Variants in MGAM observed in about 807,000 individuals in gnomAD.
MGAM encodes the protein alpha-1,4-glucosidase.
A neutral mutation model predicts 358.8 loss-of-function variants in MGAM; 253 were observed. The ratio of observed to expected loss-of-function variants is 0.71; its 90% CI spans 0.64 to 0.78. MGAM has a LOEUF of 0.78. Ranked by LOEUF, MGAM falls within the 30% of genes least tolerant of loss-of-function variation. The pLI, the probability that MGAM is intolerant of heterozygous loss-of-function variation, is 0.00. For synonymous variants in MGAM, 1,105 were observed against 1,227.1 expected, an observed-to-expected ratio of 0.90 and a Z score of 2.08; for missense variants, 3,080 against 3,432.6, an observed-to-expected ratio of 0.90 and a Z score of 2.57.
chr7:142,094,748 C>T lies in MGAM; in HGVS notation c.7343C>T (p.Thr2448Met), dbSNP rs200383607. The change falls in exon 63 of 71, where the codon ACG becomes ATG. Residue 2448 changes from threonine to methionine, a missense_variant and splice_region_variant. Around this residue, in one of 5 missense-constraint regions of MGAM, gnomAD observed 932 missense variants for 1,198.2 expected, o/e 0.78. Coordinates refer to ENST00000475668, the MANE Select transcript of MGAM (RefSeq NM_001365693.1). The stretch of plus-strand genomic sequence containing the variant: ...TCCTTTTATTTCCTCTTGTTTCAGA[C>T]GGGAGCAGATATCTGTGGGTTCTTT... ...MEFSLFGISY[T>M]GADICGFFQD... 75 of 1,613,596 alleles carry T rather than the reference C, an allele frequency of 4.6e-5. No individual in the cohort carries two copies. In the Middle Eastern group the frequency reaches 8.4e-4, roughly 18 times the overall value.
chr7:142,045,348 C>G (rs1334623508), intron 21 of MGAM, among the ~76,000 whole-genome samples: 4 of 60,650 alleles, frequency 6.6e-5, no homozygotes, highest in East Asian at 4.5e-4. Context: ...TTATATGTCC[C>G]TATAATACAT....
In MGAM at chr7:142,088,823, A is replaced by AT. The variant is rs1435549930; in HGVS notation, c.6810+2107dup. On this transcript the variant is annotated intron_variant, in intron 57 of 70. Transcript: ENST00000475668. ...TATCATTCTATCCTATCTATGTACC[A>AT]TCTATCTATCTATCTATCTATCTAT... Among the ~76,000 whole-genome samples, 5 of 15,854 alleles carry AT rather than the reference A, an allele frequency of 3.2e-4. 1 individual carries two copies. Among genetic ancestry groups the AT allele is most frequent in the Non-Finnish European group, 5.7e-4 (4 of 7,012 alleles). 10.4% of individuals were successfully genotyped at this position (15,854 alleles called of 152,430 possible). A position where few individuals can be genotyped will look rare whatever the true frequency, so the allele number is the denominator to read the frequency against.
intron 56 of MGAM, 75 bp from the exon 57 acceptor site, chr7:142,086,580 A>G: frequency 1.2e-6 from 1 of 804,928 alleles, no homozygotes; most frequent in South Asian, 1.7e-5. Flanking sequence ...CATGGTTTAT[A>G]TAATAATTTC....
chr7:142,034,015 C>T (rs1237881320), intron 14 of MGAM, among the ~76,000 whole-genome samples: 3 of 152,210 alleles, frequency 2.0e-5, no homozygotes, highest in African/African-American at 7.2e-5. Context: ...CTTCTTACTT[C>T]CAAGTGTCTG....
At position 142,080,932 on chromosome 7, in the gene MGAM, A is replaced by G; in HGVS notation, c.5989A>G (p.Thr1997Ala). The G allele has an allele frequency of 6.4e-7, 1 of 1,555,092 alleles. No homozygotes were observed. Among genetic ancestry groups the G allele is most frequent in the South Asian group, 1.1e-5 (1 of 89,064 alleles). ...PFGIEIRRKS[T>A]GTIIWDSQLL... Reference sequence around the variant, plus strand: ...TGGGATTGAAATTCGCCGGAAGAGTACAGGCACTATAATGTGAGTGGCTTC... The same window carrying G: ...TGGGATTGAAATTCGCCGGAAGAGTGCAGGCACTATAATGTGAGTGGCTTC... The change falls in exon 50 of 71, where the codon ACA (threonine) becomes GCA (alanine). Residue 1997 changes from threonine (T) to alanine (A), a missense_variant. Thr to Ala is a moderately conservative substitution (Grantham distance 58, BLOSUM62 0). Around this residue, in one of 5 missense-constraint regions of MGAM, gnomAD observed 932 missense variants for 1,198.2 expected, o/e 0.78. Coordinates refer to ENST00000475668, the MANE Select transcript of MGAM (RefSeq NM_001365693.1).
intron 60 of MGAM, 67 bp downstream of exon 60, chr7:142,093,617 C>A: frequency 7.1e-7 from 1 of 1,409,656 alleles, no homozygotes; most frequent in Non-Finnish European, 9.7e-7. Context: ...GACATAGCTA[C>A]CCTACTTTTC....
rs1052837916 is a variant in MGAM, at chr7:142,019,708, A to G, written c.448+389A>G. On this transcript the variant is annotated intron_variant, in intron 4 of 70. Coordinates refer to ENST00000475668, the MANE Select transcript of MGAM (RefSeq NM_001365693.1). Reference sequence around the variant, plus strand: ...GTAATTCCAATTTTATAAACATGTTATGAAAGTTACTAGTCAATATAAGTG... The same window carrying G: ...GTAATTCCAATTTTATAAACATGTTGTGAAAGTTACTAGTCAATATAAGTG... Among the ~76,000 whole-genome samples, 8 of 152,166 alleles carry G rather than the reference A, an allele frequency of 5.3e-5. No individual in the cohort carries two copies. The East Asian group carries it at 1.2e-3, about 22-fold the overall frequency.
In MGAM at chr7:142,025,165, T is replaced by C. The variant is rs1554460418; in HGVS notation, c.982+16T>C. 1.3e-6 allele frequency: 2 copies of C among 1,563,506 alleles called. No individual in the cohort carries two copies. The highest frequency in any genetic ancestry group is 1.7e-5 in the Admixed American group (1 of 59,562). On this transcript the variant is annotated intron_variant, in intron 8 of 70. Transcript: ENST00000475668. Reference sequence around the variant, plus strand: ...AATGCCATGGGTAAAGGAATATTCATGGAAAAAACAAGCACAAGAGTGATT... The same window carrying C: ...AATGCCATGGGTAAAGGAATATTCACGGAAAAAACAAGCACAAGAGTGATT...
In MGAM at chr7:142,094,430, C is replaced by T. The variant is rs958593665; in HGVS notation, c.7239C>T (p.Gly2413=). ...VITRSTFPSS[G]RWAGHWLGDN... The stretch of plus-strand genomic sequence containing the variant: ...CCCGCTCCACATTTCCCTCTTCTGG[C>T]CGCTGGGCAGGACATTGGCTGGGAG... The change falls in exon 61 of 71, where the codon GGC becomes GGT. Residue 2413 remains glycine (G), a synonymous_variant. Transcript: ENST00000475668. 14 of 1,534,580 alleles carry T rather than the reference C, an allele frequency of 9.1e-6. 1 individual carries two copies. The highest frequency in any genetic ancestry group is 7.0e-5 in the East Asian group (3 of 42,638).
At chr7:142,065,909 G>T in intron 40 of MGAM, 78 bp downstream of exon 40, 1 of 1,114,400 alleles carries the variant, frequency 9.0e-7, no homozygotes, top group Non-Finnish European at 1.3e-6. Flanking sequence ...AAGTAATGCA[G>T]TCTCTATTTC....
intron 2 of MGAM, among the ~76,000 whole-genome samples, chr7:141,988,131 T>C (rs1297672792): frequency 6.6e-6 from 1 of 151,468 alleles, no homozygotes; most frequent in Non-Finnish European, 1.5e-5. Flanking sequence ...CTACTAAAAA[T>C]ACAAAGATTA....
chr7:142,105,782 A>T (rs764030257), intron 70 of MGAM, 32 bp from the exon 71 acceptor site: 8 of 1,552,978 alleles, frequency 5.2e-6, no homozygotes, highest in African/African-American at 1.4e-5. Context: ...TCAACACCGG[A>T]TGCCCAATTC....
intron 9 of MGAM, 36 bp from the exon 10 acceptor site, chr7:142,027,574 G>A: frequency 6.2e-7 from 1 of 1,610,346 alleles, no homozygotes; most frequent in Non-Finnish European, 8.5e-7. Context: ...TAAAAACAGA[G>A]TATTTGCTAA....
At position 142,021,578 on chromosome 7, in the gene MGAM, C is replaced by G; in HGVS notation, c.559-8C>G. On this transcript the variant is annotated splice_region_variant and splice_polypyrimidine_tract_variant and intron_variant, in intron 5 of 70. Coordinates refer to ENST00000475668, the MANE Select transcript of MGAM (RefSeq NM_001365693.1). Reference sequence around the variant, plus strand: ...TTTGGCTTTCCTTCTATTTCTATCTCTGCACAGTTGACTGACCAAACCAAT... The same window carrying G: ...TTTGGCTTTCCTTCTATTTCTATCTGTGCACAGTTGACTGACCAAACCAAT... 6.2e-7 allele frequency: 1 copy of G among 1,613,504 alleles called. No homozygotes were observed. Among genetic ancestry groups the G allele is most frequent in the Non-Finnish European group, 8.5e-7 (1 of 1,179,606 alleles).
intron 24 of MGAM, among the ~76,000 whole-genome samples, chr7:142,052,039 A>G (rs1322914992): frequency 6.6e-6 from 1 of 152,148 alleles, no homozygotes; most frequent in African/African-American, 2.4e-5. Flanking sequence ...GGTGATCACA[A>G]CAGGTTTTAT....
intron 66 of MGAM, 105 bp from the exon 67 acceptor site, chr7:142,099,508 A>T: frequency 6.4e-7 from 1 of 1,554,882 alleles, no homozygotes; most frequent in African/African-American, 1.4e-5. Flanking sequence ...AAGGGTGATG[A>T]GCAGGCATAA....
rs917144320 is a variant in MGAM at position 142,030,304 on chromosome 7, T to A, written c.1222-58T>A. 19 of 1,567,792 alleles carry A rather than the reference T, an allele frequency of 1.2e-5. No individual in the cohort carries two copies. In the Admixed American group the frequency reaches 1.3e-4, roughly 11 times the overall value. ...CTGAATAATAACAGTGAAAATTTGA[T>A]TTCATTTTACTATGGAAATTCCTAG... On this transcript the variant is annotated intron_variant, in intron 10 of 70. Coordinates refer to ENST00000475668, the MANE Select transcript of MGAM (RefSeq NM_001365693.1).
chr7:142,034,832 C>A lies in MGAM; in HGVS notation c.1950C>A (p.Gly650=), dbSNP rs182235240. ...GCGTGCTTGAGTTCAACCTTTTTGGCATCCCAATGGTGAGCTGCTACCTCA... is the reference window on the plus strand; with the variant it reads ...GCGTGCTTGAGTTCAACCTTTTTGGAATCCCAATGGTGAGCTGCTACCTCA... The part of the protein sequence containing the change: ...IPGVLEFNLF[G]IPMVGPDICG... Residue 650 remains glycine, a synonymous_variant, in exon 16 of 71, where the codon GGC becomes GGA. Coordinates refer to ENST00000475668, the MANE Select transcript of MGAM (RefSeq NM_001365693.1). The A allele has an allele frequency of 2.8e-5, 45 of 1,612,106 alleles. No individual in the cohort carries two copies. In the African/African-American group the frequency reaches 5.7e-4, roughly 21 times the overall value.
chr7:142,092,478 A>G, intron 58 of MGAM, 43 bp from the exon 59 acceptor site: 1 of 1,467,732 alleles, frequency 6.8e-7, no homozygotes, highest in African/African-American at 1.4e-5. Flanking sequence ...GCAGGACGTA[A>G]TTATCTTAAA....
Sources: gnomAD v4.1 joint callset for allele counts (sites outside exome capture counted in the v4.1 genomes callset) on GRCh38, gnomAD v4.1.1 for gene constraint, gnomAD v4.1.1 regional missense constraint, MANE v1.5 for transcripts, NCBI Gene and HGNC (gene_info 2026-07-23, HGNC 2026-07-21) for gene names.